NAV1: variants seen among roughly 807,000 people sequenced by gnomAD.
The protein encoded by NAV1 is neuron navigator 1, also known as pore membrane and/or filament interacting like protein 3.
In NAV1, 18 loss-of-function variants were observed where a neutral mutation model predicts 175.2. The ratio of observed to expected loss-of-function variants is 0.10; its 90% CI spans 0.07 to 0.15. The LOEUF (loss-of-function observed/expected upper bound fraction) is 0.15, where lower values mean the gene tolerates loss of function less well. Among genes scored for constraint, NAV1 ranks in the 10% least tolerant of loss-of-function variants. The pLI is 1.00. For synonymous variants in NAV1, 897 were observed against 978.7 expected, an observed-to-expected ratio of 0.92 and a Z score of 1.56; for missense variants, 1,731 against 2,436.6, an observed-to-expected ratio of 0.71 and a Z score of 6.10.
At chr1:201,696,572 T>A (rs1461175299) in intron 1 of NAV1, among the ~76,000 whole-genome samples, 1 of 152,190 alleles carries the variant, frequency 6.6e-6, no homozygotes, top group Non-Finnish European at 1.5e-5. Context: ...GGCCCATGAC[T>A]CCCTGTCTTC....
At chr1:201,573,788 C>G (rs571287433) in intron 1 of NAV1, among the ~76,000 whole-genome samples, 1 of 149,940 alleles carries the variant, frequency 6.7e-6, no homozygotes, top group South Asian at 2.1e-4. Flanking sequence ...AAGCTGTGGG[C>G]ATTGTGTCCA....
At chr1:201,783,127 C>T (rs1363352181) in intron 6 of NAV1, among the ~76,000 whole-genome samples, 1 of 152,196 alleles carries the variant, frequency 6.6e-6, no homozygotes, top group African/African-American at 2.4e-5. Context: ...GTCTTCAGCA[C>T]TTGTATGGGT....
chr1:201,731,913 G>T (rs974483609), intron 3 of NAV1, among the ~76,000 whole-genome samples: 1 of 152,150 alleles, frequency 6.6e-6, no homozygotes, highest in African/African-American at 2.4e-5. Context: ...GGGCCCTGGG[G>T]GATAGCCAGC....
At chr1:201,732,611 A>G (rs1418428820) in intron 3 of NAV1, among the ~76,000 whole-genome samples, 1 of 152,232 alleles carries the variant, frequency 6.6e-6, no homozygotes, top group Non-Finnish European at 1.5e-5. Context: ...CTCACTACCT[A>G]TGTGCATTAC....
chr1:201,790,748 G>A (rs375324456), exon 13 of NAV1: 56 of 1,614,004 alleles, frequency 3.5e-5, no homozygotes, highest in South Asian at 5.5e-5. Context: ...CCACCTTGAC[G>A]TCTCAGCTTT....
intron 15 of NAV1, 42 bp downstream of exon 19, chr1:201,794,619 GAAAGTAA>G: frequency 6.5e-7 from 1 of 1,533,556 alleles, no homozygotes; most frequent in Non-Finnish European, 9.0e-7. Context: ...CAGGGAGCAG[GAAAGTAA>G]GAGTATTACA....
In NAV1 at chr1:201,642,322, C is replaced by G. The variant is rs1351400519; in HGVS notation, c.5-6312C>G. Among the ~76,000 whole-genome samples, 4 of 151,950 alleles carry G rather than the reference C, an allele frequency of 2.6e-5. No homozygotes were observed. In the East Asian group the frequency reaches 7.8e-4, roughly 30 times the overall value. On this transcript the variant is annotated intron_variant, in intron 2 of 29. Transcript: ENST00000367302. Reference sequence around the variant, plus strand: ...CCGCCTCCCGGGTTCACACCATTCTCCTGCCTCAGCCTCCCAAGTAGCTGG... The same window carrying G: ...CCGCCTCCCGGGTTCACACCATTCTGCTGCCTCAGCCTCCCAAGTAGCTGG...
In NAV1 at chr1:201,597,399, C is replaced by T. The variant is rs372636888; in HGVS notation, c.-33+8750C>T. Among the ~76,000 whole-genome samples, 211 of 152,356 alleles carry T rather than the reference C, an allele frequency of 1.4e-3. 1 individual carries two copies. The highest frequency in any genetic ancestry group is 3.0e-3 in the African/African-American group (126 of 41,602). ...CCCCTACACTCTCCTTCTTCCCCTCCGGCCTCACTCTGAAGACAGCTAAGC... is the reference window on the plus strand; with the variant it reads ...CCCCTACACTCTCCTTCTTCCCCTCTGGCCTCACTCTGAAGACAGCTAAGC... On this transcript the variant is annotated intron_variant, in intron 2 of 33. Transcript: ENST00000685211.
chr1:201,630,815 G>A (rs2102296224), intron 2 of NAV1, among the ~76,000 whole-genome samples: 1 of 152,334 alleles, frequency 6.6e-6, no homozygotes, highest in Non-Finnish European at 1.5e-5. Flanking sequence ...ACTATGTGGA[G>A]CTCTATTTTT....
chr1:201,643,935 C>A (rs980800535), upstream of NAV1, among the ~76,000 whole-genome samples: 1 of 152,228 alleles, frequency 6.6e-6, no homozygotes, highest in African/African-American at 2.4e-5. Context: ...CTTCATTCCT[C>A]AAATTGCTTT....
chr1:201,662,157 A>T (rs770560935), intron 1 of NAV1, among the ~76,000 whole-genome samples: 3 of 152,214 alleles, frequency 2.0e-5, no homozygotes, highest in Non-Finnish European at 4.4e-5. Flanking sequence ...TCCCACAGGC[A>T]TCGTAAGCCC....
At chr1:201,729,626 G>T (rs1344315879) in intron 3 of NAV1, among the ~76,000 whole-genome samples, 2 of 151,936 alleles carry the variant, frequency 1.3e-5, no homozygotes, top group Admixed American at 6.6e-5. Context: ...ACACTTGGTG[G>T]CCAGGTGCGG....
intron 2 of NAV1, among the ~76,000 whole-genome samples, chr1:201,606,140 A>T (rs1203555472): frequency 1.3e-5 from 2 of 152,184 alleles, no homozygotes; most frequent in African/African-American, 4.8e-5. Flanking sequence ...GTGATGTCTT[A>T]GAAAGGGGAG....
exon 1 of NAV1, chr1:201,623,176 T>C: frequency 1.0e-6 from 1 of 985,662 alleles, no homozygotes; most frequent in Non-Finnish European, 1.2e-6. Context: ...CCCCTTCAGC[T>C]CCCCATGGAA....
At chr1:201,713,832 G>A (rs1396430823) in intron 2 of NAV1, among the ~76,000 whole-genome samples, 2 of 152,212 alleles carry the variant, frequency 1.3e-5, no homozygotes, top group African/African-American at 2.4e-5. Context: ...CACAGGGGCA[G>A]TGGAAAAGGA....
chr1:201,584,991 C>T (rs1666982296), intron 1 of NAV1, among the ~76,000 whole-genome samples: 1 of 152,226 alleles, frequency 6.6e-6, no homozygotes, highest in Non-Finnish European at 1.5e-5. Context: ...ACTCTGGAAG[C>T]AACTGACCAA....
Position 201,782,156 on chromosome 1 carries a change from C to A in NAV1, c.1664-20C>A. ...TACTGGTCAGTTTCAGCTCTTTTCT[C>A]ATTTCCCGTCCTCTTGCAGGCAAAC... On this transcript the variant is annotated intron_variant, in intron 5 of 29. Coordinates refer to ENST00000367296, the Ensembl canonical transcript of NAV1. This position sits in a 1 kb window ranked among gnomAD's most constrained non-coding sequence, Gnocchi z 5.4. 1 of 1,550,856 alleles carries A rather than the reference C, an allele frequency of 6.4e-7. No homozygotes were observed. Among genetic ancestry groups the A allele is most frequent in the Non-Finnish European group, 8.7e-7 (1 of 1,151,040 alleles).
chr1:201,720,330 T>G (rs1418510923), intron 3 of NAV1, among the ~76,000 whole-genome samples: 1 of 152,172 alleles, frequency 6.6e-6, no homozygotes, highest in African/African-American at 2.4e-5. Context: ...CCCCATGTGT[T>G]AGAAGAACCA....
intron 1 of NAV1, among the ~76,000 whole-genome samples, chr1:201,546,304 T>C (rs1261290814): frequency 6.6e-6 from 1 of 152,224 alleles, no homozygotes. Context: ...TAGTTCGCTT[T>C]ACCAAGTAGA....
Sources: allele counts gnomAD v4.1 joint callset (sites outside exome capture counted in the v4.1 genomes callset), GRCh38; gene constraint gnomAD v4.1.1; non-coding constraint Gnocchi (gnomAD v3.1); transcripts MANE v1.5; gene names NCBI Gene and HGNC (gene_info 2026-07-23, HGNC 2026-07-21).